SLC9A9: variants seen among roughly 807,000 people sequenced by gnomAD.
SLC9A9 encodes the protein solute carrier family 9 member A9.
SLC9A9 carries 62 observed loss-of-function variants against 77.8 expected under a neutral mutation model. The observed-to-expected ratio is 0.80, with a 90% CI of 0.65 to 0.98. The LOEUF is 0.98. Ranked by LOEUF, SLC9A9 falls within the 50% of genes least tolerant of loss-of-function variation. The pLI is 0.00. For synonymous variants in SLC9A9, 320 were observed against 283.5 expected (o/e 1.13, Z -1.29); for missense variants, 775 against 774.9 (o/e 1.00, Z 0.00).
intron 12 of SLC9A9, among the ~76,000 whole-genome samples, chr3:143,396,203 T>C (rs973270192): frequency 1.3e-5 from 2 of 152,188 alleles, no homozygotes; most frequent in African/African-American, 2.4e-5. Flanking sequence ...CCAACCCAAA[T>C]GTTCAATAAT....
intron 4 of SLC9A9, among the ~76,000 whole-genome samples, chr3:143,725,021 C>T (rs1056465930): frequency 6.6e-6 from 1 of 152,140 alleles, no homozygotes; most frequent in Non-Finnish European, 1.5e-5. Flanking sequence ...TGCTCCTGCC[C>T]CCAGCCCCCC....
chr3:143,765,745 G>T (rs893014068), intron 4 of SLC9A9, among the ~76,000 whole-genome samples: 1 of 152,138 alleles, frequency 6.6e-6, no homozygotes, highest in Admixed American at 6.5e-5. Context: ...TGAAATGATT[G>T]CATTAACAGC....
chr3:143,286,183 C>T (rs1231693918), intron 14 of SLC9A9, among the ~76,000 whole-genome samples: 4 of 152,146 alleles, frequency 2.6e-5, no homozygotes, highest in Non-Finnish European at 5.9e-5. Flanking sequence ...TTATTTTCTC[C>T]TAATTGGGCT....
At chr3:143,704,620 C>T (rs565711294) in intron 4 of SLC9A9, among the ~76,000 whole-genome samples, 2 of 152,230 alleles carry the variant, frequency 1.3e-5, no homozygotes, top group East Asian at 3.9e-4. Context: ...TATATCTGCA[C>T]TCCTATATTT....
chr3:143,477,007 A>G (rs140158231), intron 11 of SLC9A9, among the ~76,000 whole-genome samples: 3,152 of 152,348 alleles, frequency 0.021, 47 homozygotes, highest in Non-Finnish European at 0.031. Flanking sequence ...GTGACATTAT[A>G]AATAATGACA....
chr3:143,757,961 T>C (rs1469730896), intron 4 of SLC9A9, among the ~76,000 whole-genome samples: 3 of 152,246 alleles, frequency 2.0e-5, no homozygotes, highest in African/African-American at 4.8e-5. Context: ...GGAGGGAGGC[T>C]GAACCCGTCA....
chr3:143,633,946 A>G (rs901834048), intron 6 of SLC9A9, among the ~76,000 whole-genome samples: 2 of 152,180 alleles, frequency 1.3e-5, no homozygotes, highest in African/African-American at 2.4e-5. Context: ...CACACTATCT[A>G]TTAAAACACC....
intron 4 of SLC9A9, among the ~76,000 whole-genome samples, chr3:143,740,053 T>C (rs1478327393): frequency 6.6e-6 from 1 of 152,178 alleles, no homozygotes; most frequent in Non-Finnish European, 1.5e-5. Context: ...CAGGACTGTG[T>C]TATTGAAGAT....
intron 12 of SLC9A9, among the ~76,000 whole-genome samples, chr3:143,439,761 G>T (rs2034693176): frequency 6.6e-6 from 1 of 150,906 alleles, no homozygotes; most frequent in Admixed American, 6.6e-5. Context: ...ACAAGGACCT[G>T]GGCTCTGAGA....
chr3:143,703,991 C>G (rs1933880543), intron 4 of SLC9A9, among the ~76,000 whole-genome samples: 1 of 152,140 alleles, frequency 6.6e-6, no homozygotes, highest in African/African-American at 2.4e-5. Context: ...TACAGTCATA[C>G]AACCTACCAA....
intron 9 of SLC9A9, among the ~76,000 whole-genome samples, chr3:143,536,672 T>C: frequency 6.6e-6 from 1 of 152,194 alleles, no homozygotes; most frequent in East Asian, 1.9e-4. Flanking sequence ...ATCTGAGAAC[T>C]GTGGGAATAC....
At chr3:143,622,897 C>G (rs2038246835) in intron 6 of SLC9A9, among the ~76,000 whole-genome samples, 1 of 151,952 alleles carries the variant, frequency 6.6e-6, no homozygotes, top group Non-Finnish European at 1.5e-5. Context: ...CACATAGGCT[C>G]AAAATAAAGG....
intron 6 of SLC9A9, among the ~76,000 whole-genome samples, chr3:143,603,755 T>C (rs1316691575): frequency 6.6e-6 from 1 of 152,232 alleles, no homozygotes; most frequent in African/African-American, 2.4e-5. Context: ...GTGATGTAAT[T>C]TGTTACACAG....
In SLC9A9 at chr3:143,636,747, A is replaced by T. The variant is rs142767880; in HGVS notation, c.755+15508T>A. Among the ~76,000 whole-genome samples, 31 of 152,302 alleles carry T rather than the reference A, an allele frequency of 2.0e-4. No homozygotes were observed. The East Asian group carries it at 6.0e-3, about 29-fold the overall frequency. ...AGTGCAAAGCACTGGGGAATGAGAT[A>T]ATCTCCTGAGACTTCTACTTCCCCA... On this transcript the variant is annotated intron_variant, in intron 6 of 15. Transcript: ENST00000316549.
chr3:143,442,696 G>C (rs2034767073), intron 12 of SLC9A9, among the ~76,000 whole-genome samples: 1 of 152,222 alleles, frequency 6.6e-6, no homozygotes, highest in Non-Finnish European at 1.5e-5. Context: ...CCGCACTCCA[G>C]CCTGGGTGAC....
intron 4 of SLC9A9, among the ~76,000 whole-genome samples, chr3:143,744,659 T>C (rs1250315492): frequency 2.0e-5 from 3 of 152,252 alleles, no homozygotes; most frequent in African/African-American, 7.2e-5. Context: ...TCTAATGGTT[T>C]TAACAGGCTT....
intron 6 of SLC9A9, among the ~76,000 whole-genome samples, chr3:143,599,787 C>A (rs1382852043): frequency 1.3e-5 from 2 of 152,164 alleles, no homozygotes; most frequent in Non-Finnish European, 2.9e-5. Context: ...TCCCTCAAGA[C>A]CTGTAAGAAA....
intron 14 of SLC9A9, among the ~76,000 whole-genome samples, chr3:143,300,892 G>A (rs1024082067): frequency 1.3e-5 from 2 of 152,200 alleles, no homozygotes; most frequent in African/African-American, 2.4e-5. Flanking sequence ...TTTTCCCTAG[G>A]AGATTTGCAG....
rs554957486 is a variant in SLC9A9, at chr3:143,318,016, C to T, written c.1604+45468G>A. Among the ~76,000 whole-genome samples, 7 of 152,278 alleles carry T rather than the reference C, an allele frequency of 4.6e-5. No homozygotes were observed. In the East Asian group the frequency reaches 9.7e-4, roughly 21 times the overall value. ...TGCTGGGATTACAGGCCTGAGCCAC[C>T]GTGCCCGGCCTCATTTTCTTCCTTC... On this transcript the variant is annotated intron_variant, in intron 14 of 15. Coordinates refer to ENST00000316549, the MANE Select transcript of SLC9A9 (RefSeq NM_173653.4).
Sources: gnomAD v4.1 joint callset for allele counts (sites outside exome capture counted in the v4.1 genomes callset) on GRCh38, gnomAD v4.1.1 for gene constraint, MANE v1.5 for transcripts, NCBI Gene and HGNC (gene_info 2026-07-23, HGNC 2026-07-21) for gene names.